Variants in KIAA1328 observed in about 807,000 individuals in gnomAD.
KIAA1328 encodes the protein KIAA1328.
A neutral mutation model predicts 68.1 loss-of-function variants in KIAA1328; 52 were observed. The ratio of observed to expected loss-of-function variants is 0.76; its 90% CI spans 0.61 to 0.96. The LOEUF is 0.96. KIAA1328 is among the 40% of genes least tolerant of loss of function. The pLI is 0.00. For synonymous variants in KIAA1328, 232 were observed against 239.4 expected, an observed-to-expected ratio of 0.97 and a Z score of 0.28; for missense variants, 641 against 677.6, an observed-to-expected ratio of 0.95 and a Z score of 0.60.
chr18:37,171,951 G>C (rs1191663434), intron 8 of KIAA1328, among the ~76,000 whole-genome samples: 1 of 152,148 alleles, frequency 6.6e-6, no homozygotes, highest in Admixed American at 6.5e-5. Flanking sequence ...TTGACATAAA[G>C]AGTATAGTTT....
chr18:36,870,920 C>T (rs1175006075), intron 4 of KIAA1328, among the ~76,000 whole-genome samples: 2 of 152,288 alleles, frequency 1.3e-5, no homozygotes, highest in Non-Finnish European at 2.9e-5. Context: ...TTAGAATGCC[C>T]AAGGGGCTCC....
intron 7 of KIAA1328, among the ~76,000 whole-genome samples, chr18:37,106,859 C>G (rs1466452797): frequency 6.6e-6 from 1 of 152,148 alleles, no homozygotes; most frequent in Non-Finnish European, 1.5e-5. Context: ...CAAAGCTTTG[C>G]TTACTTTTAG....
chr18:36,942,332 CAGGAACGAATTTTGGTTTTCTGAACA>C (rs1450465668), intron 5 of KIAA1328, among the ~76,000 whole-genome samples: 1 of 152,196 alleles, frequency 6.6e-6, no homozygotes, highest in African/African-American at 2.4e-5. Context: ...ATCAAATGCA[CAGGAACGAATTTTGGTTTTCTGAACA>C]AGTGGTGTAG....
chr18:37,152,443 T>C (rs1344779592), intron 7 of KIAA1328, among the ~76,000 whole-genome samples: 1 of 152,194 alleles, frequency 6.6e-6, no homozygotes, highest in Non-Finnish European at 1.5e-5. Context: ...TTCTCCCTAG[T>C]AGAAGGCGAG....
chr18:37,137,562 A>G (rs1224284710), intron 7 of KIAA1328, among the ~76,000 whole-genome samples: 5 of 152,006 alleles, frequency 3.3e-5, no homozygotes, highest in South Asian at 2.1e-4. Flanking sequence ...TTTAATCCTC[A>G]TCTTACTTGA....
At chr18:37,074,432 A>G (rs556393576) in intron 7 of KIAA1328, among the ~76,000 whole-genome samples, 2 of 152,324 alleles carry the variant, frequency 1.3e-5, no homozygotes, top group South Asian at 2.1e-4. Context: ...AGGTACACCA[A>G]TCAGACGTAG....
At chr18:36,877,723 G>T (rs1168631678) in intron 4 of KIAA1328, among the ~76,000 whole-genome samples, 6 of 146,446 alleles carry the variant, frequency 4.1e-5, no homozygotes, top group Non-Finnish European at 8.9e-5. Flanking sequence ...CTGGAGTGCA[G>T]TGGCGCGATC....
chr18:37,074,950 G>A (rs1653901109), intron 7 of KIAA1328: 4 of 151,936 alleles, frequency 2.6e-5, no homozygotes, highest in Admixed American at 2.6e-4. Context: ...TAGCAAGGCA[G>A]GCCAACATTC....
intron 5 of KIAA1328, among the ~76,000 whole-genome samples, chr18:36,915,900 G>A (rs1178107279): frequency 6.6e-6 from 1 of 152,154 alleles, no homozygotes; most frequent in Admixed American, 6.6e-5. Context: ...GCAGCACTAT[G>A]CATAATTGCC....
At chr18:36,998,551 T>A (rs1361063314) in intron 6 of KIAA1328, among the ~76,000 whole-genome samples, 1 of 152,228 alleles carries the variant, frequency 6.6e-6, no homozygotes, top group African/African-American at 2.4e-5. Context: ...AGTCCACCGC[T>A]GCCACCACTA....
chr18:37,085,052 G>A (rs955841999), intron 7 of KIAA1328, among the ~76,000 whole-genome samples: 1 of 152,124 alleles, frequency 6.6e-6, no homozygotes, highest in African/African-American at 2.4e-5. Context: ...TGAGGTCAGG[G>A]ATGCCAATCT....
At chr18:36,984,332 A>G (rs1007169097) in intron 6 of KIAA1328, among the ~76,000 whole-genome samples, 1 of 152,196 alleles carries the variant, frequency 6.6e-6, no homozygotes, top group African/African-American at 2.4e-5. Context: ...TTATTTATAA[A>G]TAGCATGACC....
At chr18:36,873,888 C>G (rs183086825) in intron 4 of KIAA1328, among the ~76,000 whole-genome samples, 2 of 152,214 alleles carry the variant, frequency 1.3e-5, no homozygotes, top group East Asian at 3.9e-4. Flanking sequence ...CTCCCTGTGC[C>G]CATATGTTTT....
chr18:37,014,498 A>C (rs1319998921), intron 6 of KIAA1328, among the ~76,000 whole-genome samples: 2 of 152,156 alleles, frequency 1.3e-5, no homozygotes, highest in Non-Finnish European at 2.9e-5. Flanking sequence ...GAAATACCTG[A>C]GACTGGGTAA....
At chr18:36,880,318 A>G (rs1432753435) in intron 4 of KIAA1328, among the ~76,000 whole-genome samples, 1 of 152,056 alleles carries the variant, frequency 6.6e-6, no homozygotes, top group Non-Finnish European at 1.5e-5. Context: ...GGGTAAGGTA[A>G]TGCACCATCC....
At chr18:36,999,609 T>C (rs757382425) in intron 6 of KIAA1328, among the ~76,000 whole-genome samples, 29 of 152,166 alleles carry the variant, frequency 1.9e-4, no homozygotes, top group Non-Finnish European at 4.0e-4. Context: ...GAGAATGGGA[T>C]GATATATTCC....
chr18:37,001,703 C>G (rs1344093170), intron 6 of KIAA1328, among the ~76,000 whole-genome samples: 1 of 152,088 alleles, frequency 6.6e-6, no homozygotes, highest in African/African-American at 2.4e-5. Flanking sequence ...GCTCAACATA[C>G]ATAAATCAGT....
At chr18:37,053,323 A>G (rs1031260362) in intron 6 of KIAA1328, among the ~76,000 whole-genome samples, 1 of 152,242 alleles carries the variant, frequency 6.6e-6, no homozygotes, top group Non-Finnish European at 1.5e-5. Flanking sequence ...TTTACCATAT[A>G]TAAAAATACA....
chr18:37,077,899 C>G (rs2056802599), intron 7 of KIAA1328, among the ~76,000 whole-genome samples: 1 of 152,000 alleles, frequency 6.6e-6, no homozygotes, highest in Admixed American at 6.5e-5. Flanking sequence ...AATGGCCGTA[C>G]TGCCCAAGGT....
Sources: gnomAD v4.1 joint callset for allele counts (sites outside exome capture counted in the v4.1 genomes callset) on GRCh38, gnomAD v4.1.1 for gene constraint, MANE v1.5 for transcripts, NCBI Gene and HGNC (gene_info 2026-07-23, HGNC 2026-07-21) for gene names.